Variants in STK3 observed in about 807,000 individuals in gnomAD.
The protein encoded by STK3 is serine/threonine-protein kinase 3.
A neutral mutation model predicts 58.0 loss-of-function variants in STK3; 41 were observed. That is an observed-to-expected ratio of 0.71 (90% CI 0.55 to 0.92). The LOEUF is 0.92. Among genes scored for constraint, STK3 ranks in the 40% least tolerant of loss-of-function variants. The probability of loss-of-function intolerance (pLI) is 0.00; values close to 1 mark genes in which losing one functional copy is unlikely to be tolerated. For missense variants in STK3, 479 were observed against 602.7 expected (o/e 0.79, Z 2.15); for synonymous variants, 170 against 191.0 (o/e 0.89, Z 0.91).
intron 3 of STK3, among the ~76,000 whole-genome samples, chr8:98,858,664 C>T (rs527545034): frequency 5.9e-5 from 9 of 151,720 alleles, no homozygotes; most frequent in South Asian, 2.1e-4. Flanking sequence ...GAGGCCAAGG[C>T]GGGTGGATCA....
At chr8:98,935,052 T>C (rs1017172225) in intron 1 of STK3, among the ~76,000 whole-genome samples, 2 of 152,186 alleles carry the variant, frequency 1.3e-5, no homozygotes, top group Non-Finnish European at 2.9e-5. Context: ...AATAGAAGTC[T>C]GAATTTAAAC....
At chr8:98,672,959 T>C (rs927969736) in intron 6 of STK3, among the ~76,000 whole-genome samples, 10 of 152,182 alleles carry the variant, frequency 6.6e-5, no homozygotes, top group African/African-American at 2.4e-4. Flanking sequence ...GAAGAAGCTA[T>C]GACAGTTTGC....
chr8:98,941,350 A>G (rs1328222547), intron 1 of STK3, among the ~76,000 whole-genome samples: 1 of 152,214 alleles, frequency 6.6e-6, no homozygotes. Context: ...CACCCTGAGC[A>G]GAGCCAAGCT....
chr8:98,891,862 G>A (rs1838213346), intron 1 of STK3, among the ~76,000 whole-genome samples: 1 of 152,088 alleles, frequency 6.6e-6, no homozygotes, highest in Non-Finnish European at 1.5e-5. Context: ...GGTGAAAACT[G>A]CCAATACCCT....
chr8:98,848,682 C>A (rs1261140654), intron 3 of STK3, among the ~76,000 whole-genome samples: 1 of 152,190 alleles, frequency 6.6e-6, no homozygotes, highest in Admixed American at 6.5e-5. Context: ...TATATCAGAA[C>A]TTCTCCTTTT....
At chr8:98,353,423 C>T in the STK3 span, among the ~76,000 whole-genome samples, 5 of 152,076 alleles carry the variant, frequency 3.3e-5, no homozygotes, top group South Asian at 2.1e-4. Flanking sequence ...CCAGGGATGT[C>T]GAGGCTGCAG....
intron 6 of STK3, among the ~76,000 whole-genome samples, chr8:98,625,550 C>T (rs149102872): frequency 6.6e-6 from 1 of 151,986 alleles, no homozygotes; most frequent in African/African-American, 2.4e-5. Flanking sequence ...ATTAAAACTT[C>T]CACTGAGTCT....
chr8:98,410,090 G>A (rs954403900), intron 3 of STK3, among the ~76,000 whole-genome samples: 3 of 152,164 alleles, frequency 2.0e-5, no homozygotes, highest in African/African-American at 7.2e-5. Context: ...AAAAACCAAG[G>A]ATCTAGAGAT....
At chr8:98,699,999 G>T (rs1825406629) in intron 6 of STK3, among the ~76,000 whole-genome samples, 1 of 152,250 alleles carries the variant, frequency 6.6e-6, no homozygotes, top group African/African-American at 2.4e-5. Flanking sequence ...AGGCCTCCTT[G>T]AGCTGTGGTG....
intron 6 of STK3, among the ~76,000 whole-genome samples, chr8:98,630,440 G>A (rs1230878453): frequency 1.3e-5 from 2 of 152,030 alleles, no homozygotes; most frequent in African/African-American, 4.8e-5. Context: ...CCACGTGTTC[G>A]AGACCAGCCT....
intron 10 of STK3, among the ~76,000 whole-genome samples, chr8:98,525,318 G>GTACAA (rs1825667741): frequency 6.6e-6 from 1 of 151,608 alleles, no homozygotes; most frequent in Non-Finnish European, 1.5e-5. Context: ...TACCTAAAGG[G>GTACAA]TACAATGCAC....
intron 6 of STK3, among the ~76,000 whole-genome samples, chr8:98,666,637 C>A (rs1422677881): frequency 1.3e-5 from 2 of 152,090 alleles, no homozygotes; most frequent in Non-Finnish European, 2.9e-5. Context: ...AGGAATAAAT[C>A]CCATCTGATG....
chr8:98,616,858 T>G (rs1483379801), intron 6 of STK3, among the ~76,000 whole-genome samples: 1 of 149,960 alleles, frequency 6.7e-6, no homozygotes, highest in African/African-American at 2.5e-5. Context: ...CACACATTAA[T>G]AATGGGAGAC....
intron 6 of STK3, among the ~76,000 whole-genome samples, chr8:98,613,420 A>AT (rs1415234803): frequency 1.3e-5 from 2 of 152,218 alleles, no homozygotes; most frequent in Non-Finnish European, 2.9e-5. Flanking sequence ...TCTGACAAAT[A>AT]TTTTAAGAGT....
chr8:98,622,045 C>T (rs951468584), intron 6 of STK3, among the ~76,000 whole-genome samples: 8 of 147,108 alleles, frequency 5.4e-5, no homozygotes, highest in African/African-American at 2.0e-4. Flanking sequence ...AGGCAGATCA[C>T]TTGAGGTCAG....
the STK3 span, among the ~76,000 whole-genome samples, chr8:98,362,578 C>T: frequency 7.9e-5 from 12 of 152,314 alleles, 1 homozygote; most frequent in South Asian, 2.1e-3. Context: ...ATCCACCCAG[C>T]GTCTAGCTGA....
rs1819014754 is a variant in STK3 at position 98,447,653 on chromosome 8, G to GTATATTGCAATACTATATATAGTATCTA, written n.186-10473_186-10446dup. On this transcript the variant is annotated intron_variant and non_coding_transcript_variant, in intron 1 of 3. Coordinates refer to the STK3 transcript ENST00000517832. Reference sequence around the variant, plus strand: ...TATTGCAATACTATATATAGTATCTGTATATTGCAATACTATATATAGTAT... The same window carrying GTATATTGCAATACTATATATAGTATCTA: ...TATTGCAATACTATATATAGTATCTGTATATTGCAATACTATATATAGTATCTATATATTGCAATACTATATATAGTAT... Among the ~76,000 whole-genome samples the GTATATTGCAATACTATATATAGTATCTA allele has an allele frequency of 1.7e-5, 2 of 118,082 alleles. 1 individual carries two copies. Among genetic ancestry groups the GTATATTGCAATACTATATATAGTATCTA allele is most frequent in the African/African-American group, 6.2e-5 (2 of 32,326 alleles). 77.5% of individuals were successfully genotyped at this position (118,082 alleles called of 152,430 possible).
In STK3 at chr8:98,659,256, A is replaced by G. The variant is rs80161986; in HGVS notation, c.684+47211T>C. The stretch of plus-strand genomic sequence containing the variant: ...TATCACTTATTTAACAAATGTTAAC[A>G]GGATATTTCAGAAGATTGGTGTCAA... On this transcript the variant is annotated intron_variant, in intron 6 of 10. Coordinates refer to ENST00000419617, the MANE Select transcript of STK3 (RefSeq NM_006281.4). Among the ~76,000 whole-genome samples the G allele has an allele frequency of 1.2e-3, 179 of 152,208 alleles. 6 individuals carry two copies. In the East Asian group the frequency reaches 0.024, roughly 20 times the overall value.
intron 4 of STK3, among the ~76,000 whole-genome samples, chr8:98,732,301 G>A (rs1327619837): frequency 6.6e-6 from 1 of 152,058 alleles, no homozygotes; most frequent in African/African-American, 2.4e-5. Flanking sequence ...CTAATAAAAT[G>A]GACTCACATC....
Sources: allele counts gnomAD v4.1 joint callset (sites outside exome capture counted in the v4.1 genomes callset), GRCh38; gene constraint gnomAD v4.1.1; transcripts MANE v1.5; gene names NCBI Gene and HGNC (gene_info 2026-07-23, HGNC 2026-07-21).